SPATA6L: variants seen among roughly 807,000 people sequenced by gnomAD.
SPATA6L encodes spermatogenesis associated 6 like.
Under a neutral mutation model 49.2 loss-of-function variants are expected in SPATA6L, and 68 were observed. The ratio of observed to expected loss-of-function variants is 1.38; its 90% CI spans 1.14 to 1.69. The LOEUF (loss-of-function observed/expected upper bound fraction) is 1.69, where lower values mean the gene tolerates loss of function less well. Among genes scored for constraint, SPATA6L ranks in the 40% most tolerant of loss-of-function variants. The probability of loss-of-function intolerance (pLI) is 0.00; values close to 1 mark genes in which losing one functional copy is unlikely to be tolerated. For missense variants in SPATA6L, 668 were observed against 464.3 expected (o/e 1.44, Z -4.03); for synonymous variants, 198 against 165.7 (o/e 1.19, Z -1.50).
chr9:4,638,974 A>C (rs889359721), intron 3 of SPATA6L, among the ~76,000 whole-genome samples: 1 of 152,046 alleles, frequency 6.6e-6, no homozygotes, highest in African/African-American at 2.4e-5. Context: ...GGTTGGGTTC[A>C]AATCCCTGCT....
chr9:4,638,203 AATT>A (rs376286945), intron 3 of SPATA6L, among the ~76,000 whole-genome samples: 12 of 121,174 alleles, frequency 9.9e-5, no homozygotes, highest in South Asian at 2.4e-4. Context: ...AGATGGGTGT[AATT>A]ATTATTATTA....
chr9:4,622,382 A>T, intron 7 of SPATA6L, 26 bp downstream of exon 7: 2 of 1,394,954 alleles, frequency 1.4e-6, no homozygotes, highest in Non-Finnish European at 2.0e-6. Context: ...AGGGAAATGT[A>T]CAGGAGTAAC....
intron 3 of SPATA6L, among the ~76,000 whole-genome samples, chr9:4,644,047 T>C (rs1834671459): frequency 6.6e-6 from 1 of 151,624 alleles, no homozygotes; most frequent in African/African-American, 2.4e-5. Flanking sequence ...GATTTATGCA[T>C]TTAGAAATGA....
At chr9:4,611,158 G>C (rs1232448412) in intron 9 of SPATA6L, among the ~76,000 whole-genome samples, 2 of 147,588 alleles carry the variant, frequency 1.4e-5, no homozygotes, top group Non-Finnish European at 2.9e-5. Flanking sequence ...ACAGGTGCTA[G>C]AGAGGATGTG....
intron 4 of SPATA6L, among the ~76,000 whole-genome samples, chr9:4,630,179 G>T (rs1214432663): frequency 6.6e-6 from 1 of 151,952 alleles, no homozygotes; most frequent in African/African-American, 2.4e-5. Flanking sequence ...AACATGAGGG[G>T]GATTTTAGGA....
intron 2 of SPATA6L, 128 bp downstream of exon 2, chr9:4,661,771 G>C: frequency 7.7e-7 from 1 of 1,299,596 alleles, no homozygotes; most frequent in African/African-American, 1.5e-5. Flanking sequence ...TTTGCATTGT[G>C]CTGAAGTGCT....
At position 4,666,392 on chromosome 9, in the gene SPATA6L, T is replaced by C; in HGVS notation, c.-142A>G. The C allele has an allele frequency of 1.2e-6, 1 of 845,534 alleles. No individual in the cohort carries two copies. The allele number at this position is 845,534 out of a possible 1,614,324, so 52.4% of individuals were successfully genotyped here. A position where few individuals can be genotyped will look rare whatever the true frequency, so the allele number is the denominator to read the frequency against. On this transcript the variant is annotated 5_prime_UTR_variant, in exon 1 of 12. Coordinates refer to ENST00000682582, the MANE Select transcript of SPATA6L (RefSeq NM_001353486.2). ...GTCCCACGCCCTTGTTCCCCTACCG[T>C]CCCCCCCAGCCCAGGTCCCTCCCAC...
Position 4,622,410 on chromosome 9 carries a change from C to T in SPATA6L, c.770G>A (p.Arg257Lys). The T allele has an allele frequency of 6.2e-7, 1 of 1,601,198 alleles. No individual in the cohort carries two copies. Among genetic ancestry groups the T allele is most frequent in the Non-Finnish European group, 8.6e-7 (1 of 1,168,400 alleles). Reference protein sequence around the residue: ...KFSDFPFPTRRASSLDSLAAN... With the variant: ...KFSDFPFPTRKASSLDSLAAN... ...GGAGTAACAAGAAACTCGAGTACCT[C>T]TTCTCGTTGGAAACGGAAAGTCTGA... Residue 257 changes from arginine (R) to lysine (K), a missense_variant and splice_region_variant, in exon 7 of 12, where the codon AGA becomes AAA. Arg to Lys is a conservative substitution (Grantham distance 26). Transcript: ENST00000682582.
In SPATA6L at chr9:4,623,673, G is replaced by C. The variant is rs572368801; in HGVS notation, c.670-1163C>G. Among the ~76,000 whole-genome samples, 16 of 152,132 alleles carry C rather than the reference G, an allele frequency of 1.1e-4. No individual in the cohort carries two copies. The South Asian group carries it at 3.3e-3, about 32-fold the overall frequency. On this transcript the variant is annotated intron_variant, in intron 6 of 11. Coordinates refer to ENST00000682582, the MANE Select transcript of SPATA6L (RefSeq NM_001353486.2). The stretch of plus-strand genomic sequence containing the variant: ...CACTGATAAAAGACTTTGGCACATA[G>C]GAAAAGCTGTATAAGAATTTGTTAA...
downstream of SPATA6L, among the ~76,000 whole-genome samples, chr9:4,593,715 A>G (rs995359095): frequency 6.6e-6 from 1 of 152,098 alleles, no homozygotes. Flanking sequence ...TCTGCAACAT[A>G]TGTCACTGTT....
intron 6 of SPATA6L, 49 bp from the exon 7 acceptor site, chr9:4,622,559 T>G (rs1384173915): frequency 7.9e-7 from 1 of 1,266,118 alleles, no homozygotes; most frequent in Non-Finnish European, 1.1e-6. Context: ...TAGCTTCTAG[T>G]ACCCTCCCCT....
At chr9:4,619,957 C>T (rs1252027068) in intron 7 of SPATA6L, among the ~76,000 whole-genome samples, 2 of 152,236 alleles carry the variant, frequency 1.3e-5, no homozygotes, top group East Asian at 3.9e-4. Context: ...CATGGCTTCC[C>T]CCAGTGTGAC....
At position 4,656,903 on chromosome 9, in the gene SPATA6L, C is replaced by G. The variant is rs146790679; in HGVS notation, c.178-814G>C. 2.7e-3 allele frequency among the ~76,000 whole-genome samples: 413 copies of G among 151,544 alleles called. 3 individuals carry two copies. Among genetic ancestry groups the G allele is most frequent in the African/African-American group, 9.9e-3 (406 of 40,938 alleles). The stretch of plus-strand genomic sequence containing the variant: ...AACATAAAAAGAAATATTACCTATG[C>G]GTAACACAAAACAAAAGCTAAGTAC... On this transcript the variant is annotated intron_variant, in intron 2 of 11. Coordinates refer to ENST00000682582, the MANE Select transcript of SPATA6L (RefSeq NM_001353486.2).
intron 3 of SPATA6L, chr9:4,646,464 A>G: frequency 6.7e-7 from 1 of 1,497,914 alleles, no homozygotes; most frequent in South Asian, 1.3e-5. Context: ...GCTAATTTAG[A>G]AACGGATTTA....
At chr9:4,596,253 A>G (rs1564082721), downstream of SPATA6L, among the ~76,000 whole-genome samples, 1 of 152,168 alleles carries the variant, frequency 6.6e-6, no homozygotes, top group Admixed American at 6.5e-5. Flanking sequence ...ACACAGAAGG[A>G]GTTTAACAAA....
At chr9:4,606,164 G>A (rs761055963) in intron 9 of SPATA6L, among the ~76,000 whole-genome samples, 14 of 151,522 alleles carry the variant, frequency 9.2e-5, no homozygotes, top group Admixed American at 2.0e-4. Context: ...ACGGAGTCTC[G>A]CTGATTGCTA....
intron 3 of SPATA6L, chr9:4,646,483 T>TC (rs1257259111): frequency 6.6e-7 from 1 of 1,517,590 alleles, no homozygotes; most frequent in African/African-American, 1.4e-5. Flanking sequence ...TACTGCCACA[T>TC]TACCTGGAGG....
At chr9:4,644,445 A>G (rs1296087136) in intron 3 of SPATA6L, among the ~76,000 whole-genome samples, 7 of 152,016 alleles carry the variant, frequency 4.6e-5, no homozygotes, top group Non-Finnish European at 1.5e-5. Flanking sequence ...AAACTATGCT[A>G]TGTAAAAATT....
chr9:4,606,395 C>T (rs1825063723), intron 9 of SPATA6L, among the ~76,000 whole-genome samples: 1 of 110,096 alleles, frequency 9.1e-6, no homozygotes. Context: ...CTTAAATGTC[C>T]CTGTCTGACA....
Sources: gnomAD v4.1 joint callset for allele counts (sites outside exome capture counted in the v4.1 genomes callset) on GRCh38, gnomAD v4.1.1 for gene constraint, MANE v1.5 for transcripts, NCBI Gene and HGNC (gene_info 2026-07-23, HGNC 2026-07-21) for gene names.